Variants in POT1 observed in about 807,000 individuals in gnomAD.
POT1 encodes protection of telomeres 1, also known as protection of telomeres protein 1.
A neutral mutation model predicts 78.5 loss-of-function variants in POT1; 47 were observed. The observed-to-expected ratio is 0.60, with a 90% CI of 0.47 to 0.76. The LOEUF is 0.76. POT1 is among the 30% of genes least tolerant of loss of function. The pLI is 0.00. For synonymous variants in POT1, 259 were observed against 260.7 expected (o/e 0.99, Z 0.06); for missense variants, 646 against 749.9 (o/e 0.86, Z 1.62).
In POT1 at chr7:124,925,508, T is replaced by C. The variant is rs148312842; in HGVS notation, c.-227+3307A>G. ...ATCCCATGCTCGTGGATCAGAAGAA[T>C]TAATATTATTAAAATGAACATACTT... On this transcript the variant is annotated intron_variant, in intron 2 of 18. Coordinates refer to ENST00000357628, the MANE Select transcript of POT1 (RefSeq NM_015450.3). Among the ~76,000 whole-genome samples, 58 of 152,156 alleles carry C rather than the reference T, an allele frequency of 3.8e-4. No homozygotes were observed. In the East Asian group the frequency reaches 0.011, roughly 28 times the overall value.
intron 2 of POT1, among the ~76,000 whole-genome samples, chr7:124,923,751 TAA>T (rs941364245): frequency 1.4e-5 from 2 of 143,042 alleles, no homozygotes; most frequent in Non-Finnish European, 1.5e-5. Flanking sequence ...AAGTCAAAGT[TAA>T]AAAAAAAAAA....
intron 3 of POT1, among the ~76,000 whole-genome samples, chr7:124,899,939 A>C (rs1395470220): frequency 1.3e-5 from 2 of 152,140 alleles, no homozygotes; most frequent in Non-Finnish European, 2.9e-5. Flanking sequence ...AGAATAAATG[A>C]CTAAAAGCTG....
At chr7:124,827,542 G>A (rs1034227771) in intron 16 of POT1, among the ~76,000 whole-genome samples, 2 of 152,174 alleles carry the variant, frequency 1.3e-5, no homozygotes, top group Non-Finnish European at 2.9e-5. Context: ...AAACCCCTAT[G>A]CATTTGGTCA....
intron 14 of POT1, among the ~76,000 whole-genome samples, chr7:124,839,031 G>C (rs772743263): frequency 6.6e-6 from 1 of 152,156 alleles, no homozygotes; most frequent in Non-Finnish European, 1.5e-5. Flanking sequence ...GAAAGTTGCA[G>C]GACAAACACT....
At chr7:124,860,856 T>C (rs1216645557) in intron 8 of POT1, among the ~76,000 whole-genome samples, 2 of 151,584 alleles carry the variant, frequency 1.3e-5, no homozygotes, top group East Asian at 3.9e-4. Context: ...GAACATGCGG[T>C]GTTTGGTTTT....
intron 11 of POT1, among the ~76,000 whole-genome samples, chr7:124,851,431 C>T (rs1431402749): frequency 6.6e-6 from 1 of 152,170 alleles, no homozygotes; most frequent in African/African-American, 2.4e-5. Context: ...ACATATCCCT[C>T]TGTTTGTTAA....
chr7:124,852,204 T>C (rs1250559614), intron 10 of POT1, among the ~76,000 whole-genome samples: 1 of 152,160 alleles, frequency 6.6e-6, no homozygotes, highest in East Asian at 1.9e-4. Context: ...GGGAATTTAA[T>C]GGATAGCATT....
At chr7:124,879,653 T>C (rs4311608) in intron 6 of POT1, among the ~76,000 whole-genome samples, 91,334 of 151,902 alleles carry the variant, frequency 0.6, 27,589 homozygotes, top group African/African-American at 0.65. Flanking sequence ...AAGAATGCAA[T>C]AGGATATTTT....
At chr7:124,884,807 A>G (rs1796205016) in intron 6 of POT1, among the ~76,000 whole-genome samples, 1 of 152,238 alleles carries the variant, frequency 6.6e-6, no homozygotes, top group Non-Finnish European at 1.5e-5. Context: ...GCCATACACT[A>G]TTAACAAGTC....
At chr7:124,849,752 C>A (rs889849231) in intron 11 of POT1, among the ~76,000 whole-genome samples, 2 of 151,998 alleles carry the variant, frequency 1.3e-5, no homozygotes, top group African/African-American at 4.8e-5. Flanking sequence ...AAAAGCATAA[C>A]ATTATTATTA....
At chr7:124,924,946 A>G (rs1797238999) in intron 2 of POT1, among the ~76,000 whole-genome samples, 1 of 152,108 alleles carries the variant, frequency 6.6e-6, no homozygotes, top group South Asian at 2.1e-4. Flanking sequence ...CAAACTAGAT[A>G]GAGAAGGAAC....
At chr7:124,853,193 G>C (rs1795358240) in intron 9 of POT1, 55 bp from the exon 10 acceptor site, 1 of 1,358,390 alleles carries the variant, frequency 7.4e-7, no homozygotes, top group South Asian at 1.4e-5. Flanking sequence ...AAATACTTCT[G>C]ATATTTAAAA....
At chr7:124,840,618 C>T (rs1795003866) in intron 14 of POT1, 1 of 156,704 alleles carries the variant, frequency 6.4e-6, no homozygotes, top group African/African-American at 2.4e-5. Flanking sequence ...TATGAAACAA[C>T]AGTGACATCC....
chr7:124,903,318 ACTGT>A (rs985710843), intron 3 of POT1, among the ~76,000 whole-genome samples: 1 of 152,172 alleles, frequency 6.6e-6, no homozygotes, highest in African/African-American at 2.4e-5. Flanking sequence ...ATTATAACAA[ACTGT>A]CTTTCAGACC....
At chr7:124,869,676 G>A (rs1332214790) in intron 7 of POT1, among the ~76,000 whole-genome samples, 5 of 152,034 alleles carry the variant, frequency 3.3e-5, no homozygotes, top group African/African-American at 2.4e-5. Flanking sequence ...TCCGCCCTCC[G>A]GGTTCAAGCG....
intron 7 of POT1, among the ~76,000 whole-genome samples, chr7:124,870,463 T>C (rs968006970): frequency 2.0e-5 from 3 of 152,152 alleles, no homozygotes; most frequent in African/African-American, 4.8e-5. Context: ...TTTGATTTTA[T>C]ACTTAGTATC....
At chr7:124,892,699 T>A (rs1043604656) in intron 5 of POT1, 1 of 161,100 alleles carries the variant, frequency 6.2e-6, no homozygotes, top group African/African-American at 2.4e-5. Flanking sequence ...TGGTTCAACT[T>A]ACAATCTTCT....
At chr7:124,832,035 A>G (rs1318919821) in intron 15 of POT1, among the ~76,000 whole-genome samples, 1 of 150,136 alleles carries the variant, frequency 6.7e-6, no homozygotes, top group Non-Finnish European at 1.5e-5. Context: ...TTGGAGGCCA[A>G]GGTAGGCAGA....
chr7:124,824,869 A>G (rs1794592464), intron 18 of POT1, among the ~76,000 whole-genome samples: 1 of 152,114 alleles, frequency 6.6e-6, no homozygotes, highest in Non-Finnish European at 1.5e-5. Flanking sequence ...TTAACAATAA[A>G]TAAAAAAATT....
Sources: allele counts gnomAD v4.1 joint callset (sites outside exome capture counted in the v4.1 genomes callset), GRCh38; gene constraint gnomAD v4.1.1; transcripts MANE v1.5; gene names NCBI Gene and HGNC (gene_info 2026-07-23, HGNC 2026-07-21).